The following CCNK variants were observed in gnomAD, a reference collection of about 807,000 sequenced individuals.
CCNK encodes cyclin-K.
A neutral mutation model predicts 65.0 loss-of-function variants in CCNK; 9 were observed. That is an observed-to-expected ratio of 0.14 (90% CI 0.08 to 0.24). The LOEUF (loss-of-function observed/expected upper bound fraction) is 0.24, where lower values mean the gene tolerates loss of function less well. Among genes scored for constraint, CCNK ranks in the 10% least tolerant of loss-of-function variants. The pLI, the probability that CCNK is intolerant of heterozygous loss-of-function variation, is 1.00. For synonymous variants in CCNK, 279 were observed against 270.8 expected (o/e 1.03, Z -0.30); for missense variants, 474 against 720.0 (o/e 0.66, Z 3.91).
chr14:99,491,096 A>G (rs1220439361), intron 1 of CCNK, among the ~76,000 whole-genome samples: 1 of 152,042 alleles, frequency 6.6e-6, no homozygotes, highest in East Asian at 1.9e-4. Context: ...TATTGTGTGC[A>G]TGTGTCATAT....
intron 1 of CCNK, among the ~76,000 whole-genome samples, chr14:99,488,675 A>G (rs966851896): frequency 6.6e-6 from 1 of 152,226 alleles, no homozygotes; most frequent in South Asian, 2.1e-4. Flanking sequence ...TTAAGGATCA[A>G]CTGTATTTTT....
intron 10 of CCNK, 92 bp from the exon 11 acceptor site, chr14:99,510,065 C>A (rs970742510): frequency 6.8e-6 from 9 of 1,321,914 alleles, no homozygotes; most frequent in Non-Finnish European, 9.2e-6. Flanking sequence ...GCTCCCTGCT[C>A]CTCTGTAAAG....
At chr14:99,503,441 G>A (rs1173938201) in intron 8 of CCNK, 170 bp from the exon 9 acceptor site, 25 of 615,546 alleles carry the variant, frequency 4.1e-5, no homozygotes, top group Admixed American at 3.2e-4. Flanking sequence ...CAGAAATGAT[G>A]ATCTGGTAGG....
At chr14:99,504,383 G>A (rs1381766143) in intron 9 of CCNK, 1 of 148,690 alleles carries the variant, frequency 6.7e-6, no homozygotes, top group Non-Finnish European at 1.5e-5. Flanking sequence ...AAATCTTCCA[G>A]TTATGATAGA....
At chr14:99,493,449 T>C (rs1178598860) in intron 2 of CCNK, 65 bp from the exon 3 acceptor site, 11 of 981,884 alleles carry the variant, frequency 1.1e-5, no homozygotes, top group Non-Finnish European at 1.7e-5. Flanking sequence ...TTTTTGTTTT[T>C]CTACATTTAA....
At position 99,503,660 on chromosome 14, in the gene CCNK, G is replaced by C. The variant is rs143225415; in HGVS notation, c.1045+16G>C. The C allele has an allele frequency of 7.4e-5, 115 of 1,551,866 alleles. 1 individual carries two copies. The East Asian group carries it at 2.5e-3, about 33-fold the overall frequency. On this transcript the variant is annotated intron_variant, in intron 9 of 10. Transcript: ENST00000389879. ...AAAGCAGCAGGTAATTTCCTGTTCT[G>C]ATGTTTTTTTAGTTTTATGTGTTTA...
chr14:99,498,703 CTA>C (rs1350737826), intron 4 of CCNK, among the ~76,000 whole-genome samples: 1 of 152,108 alleles, frequency 6.6e-6, no homozygotes, highest in Non-Finnish European at 1.5e-5. Context: ...GAGTATATAA[CTA>C]TTTGATGATG....
In CCNK at chr14:99,492,993, A is replaced by G. The variant is rs1178470752; in HGVS notation, c.197+119A>G. ...CTCTGTACCAGAGCAGTTCTTAAAT[A>G]TCTGTTTGAATGTTGTTTCTGGTGG... is the stretch of plus-strand genomic sequence containing the variant. On this transcript the variant is annotated intron_variant, in intron 2 of 10. Transcript: ENST00000389879. The G allele has an allele frequency of 1.3e-5, 11 of 837,020 alleles. No homozygotes were observed. The South Asian group carries it at 2.2e-4, about 16-fold the overall frequency. 51.8% of individuals were successfully genotyped at this position (837,020 alleles called of 1,614,324 possible).
rs1209663769 is a variant in CCNK at position 99,512,400 on chromosome 14, C to T, written c.*1618C>T. ...CAGTATGAAAAATATACACCTCTACCGCTCTGCAGTCATGCATTTAGTTTT... is the reference window on the plus strand; with the variant it reads ...CAGTATGAAAAATATACACCTCTACTGCTCTGCAGTCATGCATTTAGTTTT... On this transcript the variant is annotated 3_prime_UTR_variant, in exon 11 of 11. Transcript: ENST00000389879. 1 of 151,608 alleles carries T rather than the reference C, an allele frequency of 6.6e-6. No individual in the cohort carries two copies. The highest frequency in any genetic ancestry group is 6.6e-5 in the Admixed American group (1 of 15,238). The allele number at this position is 151,608 out of a possible 1,614,324, so 9.4% of individuals were successfully genotyped here.
At chr14:99,501,561 C>A in intron 6 of CCNK, 148 bp downstream of exon 6, 1 of 607,720 alleles carries the variant, frequency 1.6e-6, no homozygotes, top group Admixed American at 3.0e-5. Flanking sequence ...CTGGGGCTGA[C>A]GTCCAGGTCA....
At position 99,510,383 on chromosome 14, in the gene CCNK, G is replaced by A; in HGVS notation, c.1344G>A (p.Gln448=). The A allele has an allele frequency of 1.9e-6, 3 of 1,574,780 alleles. No individual in the cohort carries two copies. Among genetic ancestry groups the A allele is most frequent in the Non-Finnish European group, 2.6e-6 (3 of 1,162,764 alleles). ...CTGGAGAGGGCTACCAGAGCCTGCA[G>A]TCCATGATGAAGACCGAGGGACCCT... ...YMSGEGYQSL[Q]SMMKTEGPSY... The change falls in exon 11 of 11, where the codon CAG becomes CAA. Residue 448 remains glutamine (Q), a synonymous_variant. Coordinates refer to ENST00000389879, the MANE Select transcript of CCNK (RefSeq NM_001099402.2).
chr14:99,503,132 G>A (rs1057475163), intron 8 of CCNK, 148 bp downstream of exon 8: 67 of 934,646 alleles, frequency 7.2e-5, no homozygotes, highest in Non-Finnish European at 1.1e-4. Context: ...TTGTCGGTGG[G>A]GAGCCTGAAA....
intron 8 of CCNK, 46 bp downstream of exon 8, chr14:99,503,030 G>A: frequency 6.2e-7 from 1 of 1,601,124 alleles, no homozygotes; most frequent in Non-Finnish European, 8.6e-7. Flanking sequence ...CTTTCCAGGT[G>A]GCGGCAACAC....
chr14:99,493,643 CCA>C (rs1896640429), intron 3 of CCNK, 48 bp downstream of exon 3: 7 of 1,297,464 alleles, frequency 5.4e-6, no homozygotes, highest in Non-Finnish European at 6.6e-6. Flanking sequence ...GTTATTATTT[CCA>C]CACAGTTTGG....
intron 1 of CCNK, among the ~76,000 whole-genome samples, chr14:99,491,681 C>T (rs1205477160): frequency 6.6e-5 from 10 of 152,206 alleles, no homozygotes; most frequent in Admixed American, 6.5e-4. Context: ...TCACCTTCCC[C>T]ACCAGAAATG....
At chr14:99,492,981 C>A in intron 2 of CCNK, 107 bp downstream of exon 2, 1 of 929,664 alleles carries the variant, frequency 1.1e-6, no homozygotes, top group Non-Finnish European at 1.5e-6. Context: ...TGTACCAGAG[C>A]AGTTCTTAAA....
rs3918040 is a variant in CCNK at position 99,482,515 on chromosome 14, A to G, written c.-53+1036A>G. On this transcript the variant is annotated intron_variant, in intron 1 of 10. Transcript: ENST00000389879. Reference sequence around the variant, plus strand: ...TGCCCTTAGGATGCTTACCTGTTAAATAATCTTGACTATGAATATAATAAT... The same window carrying G: ...TGCCCTTAGGATGCTTACCTGTTAAGTAATCTTGACTATGAATATAATAAT... Among the ~76,000 whole-genome samples the G allele has an allele frequency of 3.4e-3, 525 of 152,344 alleles. 5 individuals are homozygous for G. The highest frequency in any genetic ancestry group is 0.012 in the African/African-American group (504 of 41,570).
At chr14:99,497,755 A>G (rs1191114367) in intron 4 of CCNK, among the ~76,000 whole-genome samples, 1 of 152,218 alleles carries the variant, frequency 6.6e-6, no homozygotes, top group East Asian at 1.9e-4. Flanking sequence ...AAGGGCCCAG[A>G]ACACTTTTAT....
intron 10 of CCNK, chr14:99,508,267 A>G (rs1192594409): frequency 6.6e-6 from 1 of 152,286 alleles, no homozygotes; most frequent in East Asian, 1.9e-4. Flanking sequence ...GTGGTTGCTC[A>G]TGAAGCATTT....
Sources: gnomAD v4.1 joint callset for allele counts (sites outside exome capture counted in the v4.1 genomes callset) on GRCh38, gnomAD v4.1.1 for gene constraint, MANE v1.5 for transcripts, NCBI Gene and HGNC (gene_info 2026-07-23, HGNC 2026-07-21) for gene names.